Variants in ZPBP observed in about 807,000 individuals in gnomAD.
The protein encoded by ZPBP is zona pellucida binding protein, also known as zona pellucida-binding protein 1.
In ZPBP, 26 loss-of-function variants were observed where a neutral mutation model predicts 44.8. The observed-to-expected ratio is 0.58, with a 90% confidence interval of 0.43 to 0.81. The LOEUF is 0.81. Ranked by LOEUF, ZPBP falls within the 30% of genes least tolerant of loss-of-function variation. ZPBP has a pLI of 0.00. For synonymous variants in ZPBP, 174 were observed against 153.2 expected (o/e 1.14, Z -1.00); for missense variants, 409 against 434.0 (o/e 0.94, Z 0.51).
At chr7:49,857,285 TTTC>T (rs1470573852) in intron 2 of ZPBP, among the ~76,000 whole-genome samples, 5 of 152,204 alleles carry the variant, frequency 3.3e-5, no homozygotes, top group Non-Finnish European at 5.9e-5. Flanking sequence ...TCATGCAGTA[TTTC>T]TTCTTCTGTG....
intron 6 of ZPBP, among the ~76,000 whole-genome samples, chr7:50,013,092 T>TA (rs1267305752): frequency 2.0e-5 from 3 of 151,888 alleles, no homozygotes; most frequent in Non-Finnish European, 4.4e-5. Context: ...ACCTTTACAC[T>TA]AAAAAATGCA....
intron 7 of ZPBP, among the ~76,000 whole-genome samples, chr7:49,982,809 A>G (rs528603645): frequency 6.6e-6 from 1 of 152,074 alleles, no homozygotes; most frequent in African/African-American, 2.4e-5. Context: ...CATGTGCTCA[A>G]TCTAAGTCAA....
chr7:49,860,744 T>G (rs1488668472), intron 2 of ZPBP, among the ~76,000 whole-genome samples: 1 of 152,196 alleles, frequency 6.6e-6, no homozygotes, highest in African/African-American at 2.4e-5. Flanking sequence ...ATTAAAGATG[T>G]AATTAAGTTA....
intron 3 of ZPBP, among the ~76,000 whole-genome samples, chr7:50,074,391 A>G (rs1020205457): frequency 6.6e-6 from 1 of 152,030 alleles, no homozygotes; most frequent in African/African-American, 2.4e-5. Flanking sequence ...ACCAGAAAAC[A>G]AATAATAAAA....
intron 7 of ZPBP, among the ~76,000 whole-genome samples, chr7:49,980,306 A>G (rs12534290): frequency 2.3e-5 from 2 of 85,230 alleles, no homozygotes; most frequent in South Asian, 3.3e-4. Context: ...TAATATATAT[A>G]ATATAAATAT....
At chr7:50,063,931 A>ATG (rs756964212) in intron 3 of ZPBP, among the ~76,000 whole-genome samples, 4 of 152,026 alleles carry the variant, frequency 2.6e-5, no homozygotes, top group African/African-American at 7.3e-5. Context: ...GGGGTGTGGT[A>ATG]CCCCCATGAC....
chr7:50,036,214 C>T (rs546227847), intron 4 of ZPBP, among the ~76,000 whole-genome samples: 20 of 152,282 alleles, frequency 1.3e-4, no homozygotes, highest in East Asian at 1.9e-4. Flanking sequence ...AGTGCAGTGG[C>T]GTGATCTCGG....
chr7:49,932,249 C>T (rs1397325085), intron 1 of ZPBP, among the ~76,000 whole-genome samples: 1 of 152,180 alleles, frequency 6.6e-6, no homozygotes, highest in Non-Finnish European at 1.5e-5. Flanking sequence ...ATGGTAGAAC[C>T]ACCAACAGAT....
chr7:49,923,230 TAAAAC>T (rs1794098546), intron 1 of ZPBP, among the ~76,000 whole-genome samples: 1 of 151,922 alleles, frequency 6.6e-6, no homozygotes, highest in Non-Finnish European at 1.5e-5. Context: ...TGACAGACGA[TAAAAC>T]AAAGAATTCC....
rs146070834 is a variant in ZPBP, at chr7:49,870,347, C to T, written n.510-19833G>A. 5.5e-3 allele frequency among the ~76,000 whole-genome samples: 839 copies of T among 152,148 alleles called. 10 individuals are homozygous for T. The highest frequency in any genetic ancestry group is 0.026 in the South Asian group (123 of 4,808). The stretch of plus-strand genomic sequence containing the variant: ...CCCAGGAGGTGGAGCTTGCAGTGAG[C>T]GAAGATTGCGCCACTGCACTCCACC... On this transcript the variant is annotated intron_variant and non_coding_transcript_variant, in intron 2 of 2. Coordinates refer to the ZPBP transcript ENST00000465922.
At chr7:49,906,220 G>A (rs1004940538) in intron 1 of ZPBP, among the ~76,000 whole-genome samples, 2 of 151,886 alleles carry the variant, frequency 1.3e-5, no homozygotes, top group Admixed American at 1.3e-4. Flanking sequence ...CCTCACTTGG[G>A]GTGTGGATCA....
chr7:49,906,598 A>C (rs1361054768), intron 1 of ZPBP, among the ~76,000 whole-genome samples: 2 of 152,216 alleles, frequency 1.3e-5, no homozygotes, highest in Non-Finnish European at 2.9e-5. Flanking sequence ...GGCCTCACAA[A>C]GTGCTGGGAT....
intron 6 of ZPBP, among the ~76,000 whole-genome samples, chr7:50,006,362 G>A (rs1483081): frequency 0.021 from 3,243 of 151,974 alleles, 132 homozygotes; most frequent in African/African-American, 0.067. Context: ...TAGACCATAC[G>A]TAAAGCCACA....
chr7:49,948,737 G>A (rs1795208174), intron 7 of ZPBP, among the ~76,000 whole-genome samples: 2 of 152,148 alleles, frequency 1.3e-5, no homozygotes, highest in African/African-American at 4.8e-5. Flanking sequence ...TGAGGACATG[G>A]AGAAATTGTG....
chr7:50,062,749 C>CCT (rs1180648031), intron 3 of ZPBP, among the ~76,000 whole-genome samples: 1 of 152,130 alleles, frequency 6.6e-6, no homozygotes, highest in Non-Finnish European at 1.5e-5. Context: ...GATCATTCTT[C>CCT]CTGCAAGGAC....
At chr7:49,943,320 T>TC (rs1247874508) in intron 7 of ZPBP, 1 of 290,066 alleles carries the variant, frequency 3.4e-6, no homozygotes, top group African/African-American at 2.3e-5. Context: ...ATGTCTGTCT[T>TC]CAAGTCCTCA....
At chr7:49,982,169 AT>A (rs1797016043) in intron 7 of ZPBP, among the ~76,000 whole-genome samples, 1 of 3,978 alleles carries the variant, frequency 2.5e-4, no homozygotes, top group Non-Finnish European at 4.9e-4. Flanking sequence ...AATATATATT[AT>A]ATATATATAA....
At chr7:50,012,284 A>G (rs1255121619) in intron 6 of ZPBP, among the ~76,000 whole-genome samples, 2 of 152,144 alleles carry the variant, frequency 1.3e-5, no homozygotes, top group African/African-American at 4.8e-5. Context: ...CATGTACTTC[A>G]GATATAATTA....
At chr7:49,996,043 G>C (rs1475900777) in intron 6 of ZPBP, among the ~76,000 whole-genome samples, 1 of 152,066 alleles carries the variant, frequency 6.6e-6, no homozygotes, top group East Asian at 1.9e-4. Flanking sequence ...ATTAATAAAT[G>C]CTCGAGGTGA....
Sources: allele counts gnomAD v4.1 joint callset (sites outside exome capture counted in the v4.1 genomes callset), GRCh38; gene constraint gnomAD v4.1.1; transcripts MANE v1.5; gene names NCBI Gene and HGNC (gene_info 2026-07-23, HGNC 2026-07-21).